Variants in CSNK1G3 observed in about 807,000 individuals in gnomAD.
CSNK1G3 encodes the protein casein kinase I isoform gamma-3.
In CSNK1G3, 23 loss-of-function variants were observed where a neutral mutation model predicts 64.3. The ratio of observed to expected loss-of-function variants is 0.36; its 90% CI spans 0.26 to 0.51. The LOEUF (loss-of-function observed/expected upper bound fraction) is 0.51. CSNK1G3 is among the 20% of genes least tolerant of loss of function. The pLI, the probability that CSNK1G3 is intolerant of heterozygous loss-of-function variation, is 0.96. For missense variants in CSNK1G3, 357 were observed against 510.5 expected, an observed-to-expected ratio of 0.70 and a Z score of 2.90; for synonymous variants, 158 against 162.2, an observed-to-expected ratio of 0.97 and a Z score of 0.20.
intron 11 of CSNK1G3, 68 bp downstream of exon 12, chr5:123,604,898 TTACA>T: frequency 1.7e-6 from 2 of 1,194,438 alleles, no homozygotes; most frequent in Admixed American, 4.4e-5. Flanking sequence ...AGATTTATAG[TTACA>T]TACAATTATT....
At chr5:123,574,569 C>T (rs569972095) in intron 5 of CSNK1G3, among the ~76,000 whole-genome samples, 1 of 151,946 alleles carries the variant, frequency 6.6e-6, no homozygotes, top group African/African-American at 2.4e-5. Context: ...CCTGTAATCC[C>T]AGCACTTTGG....
chr5:123,552,272 A>C (rs908070586), intron 2 of CSNK1G3, among the ~76,000 whole-genome samples: 1 of 151,730 alleles, frequency 6.6e-6, no homozygotes. Context: ...CAGCCTCCTG[A>C]GTAGCTGGGA....
At chr5:123,545,700 G>T in exon 2 of CSNK1G3, 1 of 1,613,434 alleles carries the variant, frequency 6.2e-7, no homozygotes, top group Non-Finnish European at 8.5e-7. Context: ...CAAATCAGAT[G>T]ATAGAATGGC....
At chr5:123,585,534 G>A (rs1198801819) in intron 6 of CSNK1G3, among the ~76,000 whole-genome samples, 1 of 152,080 alleles carries the variant, frequency 6.6e-6, no homozygotes, top group Non-Finnish European at 1.5e-5. Flanking sequence ...AAAATAGCAA[G>A]CTGTTTTCTT....
At chr5:123,609,104 G>C (rs918336770) in intron 12 of CSNK1G3, among the ~76,000 whole-genome samples, 3 of 152,164 alleles carry the variant, frequency 2.0e-5, no homozygotes, top group African/African-American at 7.2e-5. Flanking sequence ...TGCAGGCAGA[G>C]AATATATGAA....
intron 2 of CSNK1G3, among the ~76,000 whole-genome samples, chr5:123,548,610 C>T (rs546129288): frequency 1.3e-5 from 2 of 151,514 alleles, no homozygotes; most frequent in African/African-American, 4.8e-5. Context: ...TTAGAATGAA[C>T]AGTCAGGTGT....
chr5:123,527,640 G>A (rs1333359937), intron 1 of CSNK1G3, among the ~76,000 whole-genome samples: 1 of 152,096 alleles, frequency 6.6e-6, no homozygotes, highest in African/African-American at 2.4e-5. Flanking sequence ...TGTATTAGTA[G>A]TTATATATTT....
Position 123,564,136 on chromosome 5 carries a change from C to T in CSNK1G3, c.289+6572C>T, listed in dbSNP as rs1786344732. On this transcript the variant is annotated intron_variant, in intron 4 of 12. Coordinates refer to ENST00000345990, the Ensembl canonical transcript of CSNK1G3. Reference sequence around the variant, plus strand: ...TATATACTTACATTGTTACTACTATCATAGTAGATGGAAGTATACAATTTT... The same window carrying T: ...TATATACTTACATTGTTACTACTATTATAGTAGATGGAAGTATACAATTTT... Among the ~76,000 whole-genome samples the T allele has an allele frequency of 2.0e-5, 3 of 151,952 alleles. 1 individual carries two copies. The highest frequency in any genetic ancestry group is 6.6e-5 in the Admixed American group (1 of 15,260).
At chr5:123,541,620 C>G (rs1290353044) in intron 1 of CSNK1G3, among the ~76,000 whole-genome samples, 1 of 151,990 alleles carries the variant, frequency 6.6e-6, no homozygotes, top group Admixed American at 6.6e-5. Flanking sequence ...TTATTAGAGG[C>G]AGGCTCTCAC....
Position 123,563,361 on chromosome 5 carries a change from T to C in CSNK1G3, c.289+5797T>C, listed in dbSNP as rs138892812. Among the ~76,000 whole-genome samples, 571 of 152,170 alleles carry C rather than the reference T, an allele frequency of 3.8e-3. 3 individuals carry two copies. The highest frequency in any genetic ancestry group is 6.0e-3 in the Non-Finnish European group (405 of 67,916). Reference sequence around the variant, plus strand: ...GCCACAGGTGCTGTTACTGAAATTATAACTCTTTATAATGCTGTCTTTTAA... The same window carrying C: ...GCCACAGGTGCTGTTACTGAAATTACAACTCTTTATAATGCTGTCTTTTAA... On this transcript the variant is annotated intron_variant, in intron 4 of 12. Coordinates refer to ENST00000345990, the Ensembl canonical transcript of CSNK1G3.
At chr5:123,577,844 A>G (rs576367523) in intron 6 of CSNK1G3, among the ~76,000 whole-genome samples, 3 of 152,032 alleles carry the variant, frequency 2.0e-5, no homozygotes. Flanking sequence ...GAACACTATC[A>G]TTATCCTATA....
At chr5:123,562,217 G>A (rs927438580) in intron 4 of CSNK1G3, among the ~76,000 whole-genome samples, 4 of 152,108 alleles carry the variant, frequency 2.6e-5, no homozygotes, top group Middle Eastern at 3.4e-3. Flanking sequence ...GCTTAGCAAT[G>A]CATTTTCTGA....
intron 6 of CSNK1G3, among the ~76,000 whole-genome samples, chr5:123,578,040 T>G (rs1165645519): frequency 1.3e-5 from 2 of 151,980 alleles, no homozygotes; most frequent in African/African-American, 4.8e-5. Context: ...CAGTAGTTTA[T>G]TCTTTTTTAA....
intron 4 of CSNK1G3, among the ~76,000 whole-genome samples, chr5:123,562,370 G>A (rs1785920329): frequency 6.6e-6 from 1 of 151,966 alleles, no homozygotes; most frequent in African/African-American, 2.4e-5. Context: ...AACTCTTTGA[G>A]GGCAGTGATA....
intron 6 of CSNK1G3, among the ~76,000 whole-genome samples, chr5:123,584,582 A>C (rs1352820347): frequency 6.6e-6 from 1 of 152,020 alleles, no homozygotes; most frequent in Non-Finnish European, 1.5e-5. Context: ...GTTTCCTTTA[A>C]TTGTAATGTC....
rs138708322 is a variant in CSNK1G3, at chr5:123,584,804, T to C, written c.674-3264T>C. 5.4e-3 allele frequency among the ~76,000 whole-genome samples: 820 copies of C among 152,316 alleles called. 5 individuals carry two copies. Among genetic ancestry groups the C allele is most frequent in the Admixed American group, 9.2e-3 (141 of 15,298 alleles). ...TTTCTTCTTGAGGCAGTTTTAGTTA[T>C]TAGTAGCTTTCAAGATATTTGTCCA... is the stretch of plus-strand genomic sequence containing the variant. On this transcript the variant is annotated intron_variant, in intron 6 of 12. Coordinates refer to ENST00000345990, the Ensembl canonical transcript of CSNK1G3.
At chr5:123,565,037 A>G (rs1331661570) in intron 4 of CSNK1G3, among the ~76,000 whole-genome samples, 2 of 152,222 alleles carry the variant, frequency 1.3e-5, no homozygotes, top group Non-Finnish European at 2.9e-5. Flanking sequence ...ATGTTGCTAT[A>G]TTTGTTTAAA....
At chr5:123,568,054 A>G (rs1787279609) in intron 4 of CSNK1G3, among the ~76,000 whole-genome samples, 1 of 152,230 alleles carries the variant, frequency 6.6e-6, no homozygotes, top group South Asian at 2.1e-4. Context: ...TGAATATGGC[A>G]GATGAGGCAA....
intron 4 of CSNK1G3, among the ~76,000 whole-genome samples, chr5:123,559,894 A>G (rs533132146): frequency 6.6e-6 from 1 of 152,198 alleles, no homozygotes; most frequent in South Asian, 2.1e-4. Flanking sequence ...GGCTATTTAG[A>G]GTAACTCAAC....
Sources: allele counts gnomAD v4.1 joint callset (sites outside exome capture counted in the v4.1 genomes callset), GRCh38; gene constraint gnomAD v4.1.1; transcripts MANE v1.5; gene names NCBI Gene and HGNC (gene_info 2026-07-23, HGNC 2026-07-21).